ZCCHC7: variants seen among roughly 807,000 people sequenced by gnomAD.
ZCCHC7 encodes the protein zinc finger CCHC-type containing 7.
In ZCCHC7, 35 loss-of-function variants were observed where a neutral mutation model predicts 52.0. The observed-to-expected ratio is 0.67, with a 90% CI of 0.51 to 0.89. The LOEUF is 0.89. Ranked by LOEUF, ZCCHC7 falls within the 40% of genes least tolerant of loss-of-function variation. The pLI is 0.00. For synonymous variants in ZCCHC7, 217 were observed against 221.5 expected (o/e 0.98, Z 0.18); for missense variants, 574 against 649.1 (o/e 0.88, Z 1.26).
intron 2 of ZCCHC7, among the ~76,000 whole-genome samples, chr9:37,153,267 T>C (rs1487382327): frequency 6.6e-6 from 1 of 152,086 alleles, no homozygotes; most frequent in East Asian, 1.9e-4. Context: ...GCCTCCCAGG[T>C]TCAAGCAATT....
At chr9:37,238,031 A>G (rs761668920) in intron 2 of ZCCHC7, among the ~76,000 whole-genome samples, 1 of 152,148 alleles carries the variant, frequency 6.6e-6, no homozygotes, top group South Asian at 2.1e-4. Flanking sequence ...TCACCTATTT[A>G]GCTTTCAGAG....
intron 2 of ZCCHC7, among the ~76,000 whole-genome samples, chr9:37,145,997 G>A (rs935445758): frequency 6.6e-6 from 1 of 151,894 alleles, no homozygotes; most frequent in African/African-American, 2.4e-5. Flanking sequence ...GAATATACCT[G>A]TAGGCTGATT....
Position 37,126,952 on chromosome 9 carries a change from A to G in ZCCHC7, c.610+10A>G, listed in dbSNP as rs375702300. ...AACTCTGTTACTGAAGGTTAGTATC[A>G]TATTGGCCATTTTGAAAGTAGTATC... On this transcript the variant is annotated intron_variant, in intron 2 of 8. Transcript: ENST00000336755. 1.0e-4 allele frequency: 167 copies of G among 1,609,420 alleles called. 2 individuals carry two copies. The East Asian group carries it at 1.1e-3, about 11-fold the overall frequency.
At chr9:37,333,122 A>G (rs1374239264) in intron 6 of ZCCHC7, among the ~76,000 whole-genome samples, 2 of 151,692 alleles carry the variant, frequency 1.3e-5, no homozygotes, top group African/African-American at 4.8e-5. Flanking sequence ...TTTTCCTTGC[A>G]TTAATATATT....
intron 2 of ZCCHC7, among the ~76,000 whole-genome samples, chr9:37,205,888 T>C (rs1823881787): frequency 6.6e-6 from 1 of 152,006 alleles, no homozygotes; most frequent in Non-Finnish European, 1.5e-5. Flanking sequence ...GTTGGAGTTT[T>C]TTTTTTTTTC....
chr9:37,256,403 A>G lies in ZCCHC7; in HGVS notation c.611-45785A>G, dbSNP rs182339099. ...ACTAAGAAGTTATTTACCTTTTTCA[A>G]TGTGTTGACATTTCCACTGATGATA... On this transcript the variant is annotated intron_variant, in intron 2 of 8. Transcript: ENST00000336755. 1.6e-3 allele frequency among the ~76,000 whole-genome samples: 247 copies of G among 152,222 alleles called. 1 individual carries two copies. Among genetic ancestry groups the G allele is most frequent in the African/African-American group, 5.7e-3 (237 of 41,520 alleles).
chr9:37,325,063 A>G (rs565081234), intron 5 of ZCCHC7, among the ~76,000 whole-genome samples: 3 of 152,314 alleles, frequency 2.0e-5, no homozygotes, highest in African/African-American at 7.2e-5. Context: ...CACAATATAA[A>G]CTCTCAATTC....
At chr9:37,145,335 CAG>C (rs1046953024) in intron 2 of ZCCHC7, among the ~76,000 whole-genome samples, 2 of 151,764 alleles carry the variant, frequency 1.3e-5, no homozygotes, top group Admixed American at 1.3e-4. Flanking sequence ...ATCTGAAAAA[CAG>C]ACTGTCTTTA....
intron 6 of ZCCHC7, among the ~76,000 whole-genome samples, chr9:37,335,065 T>G (rs12004840): frequency 0.052 from 7,928 of 152,198 alleles, 668 homozygotes; most frequent in African/African-American, 0.18. Flanking sequence ...TTTATAATTT[T>G]GTAATACATC....
intron 4 of ZCCHC7, among the ~76,000 whole-genome samples, chr9:37,304,656 A>AG (rs1375200272): frequency 7.2e-6 from 1 of 139,090 alleles, no homozygotes; most frequent in African/African-American, 3.1e-5. Context: ...ACTCTGTCTC[A>AG]GAAAAAAAAA....
intron 6 of ZCCHC7, 145 bp downstream of exon 6, chr9:37,327,979 C>A: frequency 1.2e-6 from 1 of 832,180 alleles, no homozygotes; most frequent in Non-Finnish European, 1.9e-6. Context: ...AGCAATAATA[C>A]ACTTTTTCTC....
intron 2 of ZCCHC7, among the ~76,000 whole-genome samples, chr9:37,145,620 T>TA (rs1473393736): frequency 1.3e-5 from 2 of 151,946 alleles, no homozygotes; most frequent in Non-Finnish European, 1.5e-5. Flanking sequence ...GTTGATTCTT[T>TA]ATGCTATTAT....
chr9:37,328,986 A>G (rs918996280), intron 6 of ZCCHC7, among the ~76,000 whole-genome samples: 1 of 151,954 alleles, frequency 6.6e-6, no homozygotes, highest in Non-Finnish European at 1.5e-5. Flanking sequence ...ACACATATAT[A>G]TTACAAATGT....
At chr9:37,305,512 T>C (rs1249705937) in intron 4 of ZCCHC7, 32 bp from the exon 5 acceptor site, 1 of 1,610,606 alleles carries the variant, frequency 6.2e-7, no homozygotes, top group African/African-American at 1.3e-5. Context: ...CTTTTGAGAC[T>C]GAAGAGATTT....
intron 2 of ZCCHC7, among the ~76,000 whole-genome samples, chr9:37,220,463 A>AGG (rs1824749922): frequency 2.6e-5 from 4 of 152,162 alleles, no homozygotes; most frequent in Non-Finnish European, 5.9e-5. Context: ...AATAACCTGA[A>AGG]CCCGGGAGGC....
intron 2 of ZCCHC7, among the ~76,000 whole-genome samples, chr9:37,212,026 C>CAAAAAAAAAAAAAAAAAAA (rs574190937): frequency 9.0e-5 from 5 of 55,426 alleles, no homozygotes; most frequent in Admixed American, 3.0e-4. Context: ...GACTCCGTCT[C>CAAAAAAAAAAAAAAAAAAA]AAAAAAAAAA....
intron 2 of ZCCHC7, among the ~76,000 whole-genome samples, chr9:37,153,628 CT>C (rs950633926): frequency 2.0e-5 from 3 of 149,740 alleles, no homozygotes; most frequent in Admixed American, 6.6e-5. Context: ...TTCTTTCTTT[CT>C]TTTTTTTTTA....
intron 2 of ZCCHC7, among the ~76,000 whole-genome samples, chr9:37,199,329 T>TC (rs990844139): frequency 2.4e-5 from 3 of 123,980 alleles, no homozygotes; most frequent in African/African-American, 5.0e-5. Context: ...TCTTTCTTCT[T>TC]TTTTTTTTTT....
chr9:37,341,201 T>C (rs1476829441), intron 6 of ZCCHC7, among the ~76,000 whole-genome samples: 1 of 152,196 alleles, frequency 6.6e-6, no homozygotes, highest in Non-Finnish European at 1.5e-5. Context: ...TACCACATTC[T>C]CAGTGTGAAG....
Sources: allele counts gnomAD v4.1 joint callset (sites outside exome capture counted in the v4.1 genomes callset), GRCh38; gene constraint gnomAD v4.1.1; transcripts MANE v1.5; gene names NCBI Gene and HGNC (gene_info 2026-07-23, HGNC 2026-07-21).